The following ZNF383 variants were observed in gnomAD, a reference collection of about 807,000 sequenced individuals.
The protein encoded by ZNF383 is zinc finger protein 383.
ZNF383 carries 32 observed loss-of-function variants against 44.2 expected under a neutral mutation model. That is an observed-to-expected ratio of 0.72 (90% CI 0.55 to 0.97). The LOEUF is 0.97. ZNF383 is among the 50% of genes least tolerant of loss of function. The pLI, the probability that ZNF383 is intolerant of heterozygous loss-of-function variation, is 0.00. For synonymous variants in ZNF383, 155 were observed against 186.2 expected (o/e 0.83, Z 1.36); for missense variants, 487 against 562.5 (o/e 0.87, Z 1.36).
At position 37,230,392 on chromosome 19, in the gene ZNF383, A is replaced by G. The variant is rs1973426310; in HGVS notation, c.-45-17A>G. On this transcript the variant is annotated splice_polypyrimidine_tract_variant and intron_variant, in intron 2 of 5. Transcript: ENST00000684119. The stretch of plus-strand genomic sequence containing the variant: ...ACTTCCCCAGTCATGCAACCTCAGA[A>G]CACTGTCCTTTTTCAGGAGAACGGC... 8.8e-6 allele frequency: 14 copies of G among 1,597,368 alleles called. No individual in the cohort carries two copies. The highest frequency in any genetic ancestry group is 9.4e-6 in the Non-Finnish European group (11 of 1,165,594).
At chr19:37,222,674 G>A (rs554997922) in intron 1 of ZNF383, among the ~76,000 whole-genome samples, 205 of 152,272 alleles carry the variant, frequency 1.3e-3, no homozygotes, top group African/African-American at 4.4e-3. Flanking sequence ...CACCGTGCCC[G>A]GCCGAATATA....
At chr19:37,234,105 C>T (rs1183260215) in intron 3 of ZNF383, among the ~76,000 whole-genome samples, 1 of 152,230 alleles carries the variant, frequency 6.6e-6, no homozygotes, top group East Asian at 1.9e-4. Context: ...CTCAGATGAT[C>T]CACCCACCTC....
At chr19:37,236,288 C>G (rs545282589) in intron 5 of ZNF383, among the ~76,000 whole-genome samples, 1 of 152,034 alleles carries the variant, frequency 6.6e-6, no homozygotes, top group South Asian at 2.1e-4. Context: ...TCCAATCCTC[C>G]TCTTAATTTC....
At chr19:37,234,520 C>T (rs320877) in intron 3 of ZNF383, among the ~76,000 whole-genome samples, 53,115 of 151,900 alleles carry the variant, frequency 0.35, 9,583 homozygotes, top group African/African-American at 0.45. Flanking sequence ...TCCTGAGTAG[C>T]TGAGGACTAC....
rs147371145 is a variant in ZNF383, at chr19:37,243,262, A to G, written c.1026A>G (p.Glu342=). Residue 342 remains glutamate, a synonymous_variant, in exon 6 of 6, where the codon GAA becomes GAG. Coordinates refer to ENST00000684119, the MANE Select transcript of ZNF383 (RefSeq NM_001387601.1). ...HTGEKPYECK[E]CGKAFSSGSA... ...GTGAGAAACCCTATGAGTGCAAGGAATGTGGCAAAGCCTTTAGTAGTGGCT... is the reference window on the plus strand; with the variant it reads ...GTGAGAAACCCTATGAGTGCAAGGAGTGTGGCAAAGCCTTTAGTAGTGGCT... The G allele has an allele frequency of 1.4e-4, 220 of 1,614,034 alleles. No individual in the cohort carries two copies. Among genetic ancestry groups the G allele is most frequent in the Non-Finnish European group, 1.8e-4 (210 of 1,180,004 alleles).
At chr19:37,231,517 AT>A (rs1344628305) in intron 3 of ZNF383, among the ~76,000 whole-genome samples, 3 of 152,208 alleles carry the variant, frequency 2.0e-5, no homozygotes, top group Non-Finnish European at 2.9e-5. Context: ...TCTCAAAAAA[AT>A]AAAAATAAAT....
chr19:37,220,313 G>A (rs1223250968), intron 1 of ZNF383, among the ~76,000 whole-genome samples: 1 of 152,118 alleles, frequency 6.6e-6, no homozygotes, highest in African/African-American at 2.4e-5. Context: ...ACCCAGGCTG[G>A]AGTGCAATGG....
intron 2 of ZNF383, among the ~76,000 whole-genome samples, chr19:37,227,972 C>CTGAA (rs1365208470): frequency 1.3e-5 from 2 of 152,230 alleles, no homozygotes; most frequent in African/African-American, 2.4e-5. Flanking sequence ...AGCGTGACCG[C>CTGAA]TGAAGCACAG....
rs1352039575 is a variant in ZNF383, at chr19:37,243,942, C to G, written c.*278C>G. 1 of 286,944 alleles carries G rather than the reference C, an allele frequency of 3.5e-6. No homozygotes were observed. Among genetic ancestry groups the G allele is most frequent in the African/African-American group, 2.2e-5 (1 of 46,098 alleles). 17.8% of individuals were successfully genotyped at this position (286,944 alleles called of 1,614,324 possible). A position where few individuals can be genotyped will look rare whatever the true frequency, so the allele number is the denominator to read the frequency against. On this transcript the variant is annotated 3_prime_UTR_variant, in exon 6 of 6. Coordinates refer to ENST00000684119, the MANE Select transcript of ZNF383 (RefSeq NM_001387601.1). ...TTTATATTTGCTTGTGTTTTTAGAG[C>G]TATCTTTTCTGATCTGTGTATTTGT...
At chr19:37,221,984 A>T (rs554199587) in intron 1 of ZNF383, among the ~76,000 whole-genome samples, 1 of 151,226 alleles carries the variant, frequency 6.6e-6, no homozygotes. Flanking sequence ...GAAAAAGCAT[A>T]TTCCTTTGAC....
Position 37,242,469 on chromosome 19 carries a change from A to G in ZNF383, c.233A>G (p.Asp78Gly), listed in dbSNP as rs1161384980. The change falls in exon 6 of 6, where the codon GAT becomes GGT. Residue 78 changes from aspartate to glycine, a missense_variant and splice_region_variant. Physicochemically the swap from Asp to Gly is moderately conservative, Grantham distance 94. Transcript: ENST00000684119. ...CATTTACCATTTTATTTTCTTTCAGATCTGGAATCGATGTGTGAAACCAAG... is the reference window on the plus strand; with the variant it reads ...CATTTACCATTTTATTTTCTTTCAGGTCTGGAATCGATGTGTGAAACCAAG... ...GRELTRGLCS[D>G]LESMCETKLL... The G allele has an allele frequency of 1.3e-6, 2 of 1,549,108 alleles. No individual in the cohort carries two copies. The highest frequency in any genetic ancestry group is 2.8e-5 in the African/African-American group (2 of 72,532).
Position 37,235,948 on chromosome 19 carries a change from A to G in ZNF383, c.137-31A>G, listed in dbSNP as rs983847651. 16 of 1,578,262 alleles carry G rather than the reference A, an allele frequency of 1.0e-5. No individual in the cohort carries two copies. In the African/African-American group the frequency reaches 2.2e-4, roughly 21 times the overall value. On this transcript the variant is annotated intron_variant, in intron 4 of 5. Coordinates refer to ENST00000684119, the MANE Select transcript of ZNF383 (RefSeq NM_001387601.1). Reference sequence around the variant, plus strand: ...ACTGGATCTCCTTTACCCCCAGCATAACCATGTTCCATATCTTTTCTCGTG... The same window carrying G: ...ACTGGATCTCCTTTACCCCCAGCATGACCATGTTCCATATCTTTTCTCGTG...
At chr19:37,234,932 C>A (rs987013322) in intron 3 of ZNF383, among the ~76,000 whole-genome samples, 1 of 152,190 alleles carries the variant, frequency 6.6e-6, no homozygotes, top group East Asian at 1.9e-4. Context: ...GAAATCAGTT[C>A]TTTTCCCAAA....
intron 1 of ZNF383, among the ~76,000 whole-genome samples, chr19:37,223,760 G>A (rs912234916): frequency 3.9e-5 from 6 of 152,108 alleles, no homozygotes; most frequent in Non-Finnish European, 5.9e-5. Flanking sequence ...TTGGCCGGGC[G>A]CAGTGGCTCA....
intron 1 of ZNF383, chr19:37,219,698 G>T (rs901506371): frequency 6.6e-6 from 1 of 152,248 alleles, no homozygotes; most frequent in South Asian, 2.1e-4. Context: ...CTCTGCTCTC[G>T]TCAAGAGAGT....
intron 2 of ZNF383, among the ~76,000 whole-genome samples, chr19:37,228,077 T>TC (rs1349673176): frequency 2.6e-5 from 4 of 151,342 alleles, no homozygotes; most frequent in South Asian, 4.3e-4. Flanking sequence ...GTTTTTTAAC[T>TC]CCCCCAGGGA....
intron 5 of ZNF383, among the ~76,000 whole-genome samples, chr19:37,241,050 G>T (rs1227752697): frequency 6.6e-6 from 1 of 152,138 alleles, no homozygotes; most frequent in Non-Finnish European, 1.5e-5. Context: ...CAGGTGATCT[G>T]CCCGCCTCGT....
At chr19:37,237,431 AT>A (rs1320850315) in intron 5 of ZNF383, among the ~76,000 whole-genome samples, 1 of 152,092 alleles carries the variant, frequency 6.6e-6, no homozygotes, top group Non-Finnish European at 1.5e-5. Context: ...AGCAGGAGAG[AT>A]TTGGGATGAA....
intron 2 of ZNF383, among the ~76,000 whole-genome samples, chr19:37,227,109 G>GATTT (rs1973205538): frequency 1.3e-5 from 1 of 76,488 alleles, no homozygotes; most frequent in African/African-American, 7.5e-5. Flanking sequence ...ACCCAGCCAG[G>GATTT]CTTTTTTTTT....
Sources: gnomAD v4.1 joint callset for allele counts (sites outside exome capture counted in the v4.1 genomes callset) on GRCh38, gnomAD v4.1.1 for gene constraint, MANE v1.5 for transcripts, NCBI Gene and HGNC (gene_info 2026-07-23, HGNC 2026-07-21) for gene names.